VMA12: variants seen among roughly 807,000 people sequenced by gnomAD.
VMA12 encodes vacuolar ATPase assembly protein VMA12.
chr17:28,357,892 G>A, the VMA12 span: 1 of 1,613,514 alleles, frequency 6.2e-7, no homozygotes, highest in Non-Finnish European at 8.5e-7. Flanking sequence ...GTGAGCCCCA[G>A]TCTCCAGTCC....
chr17:28,363,218 CCAAAG>C, the VMA12 span: 2 of 152,132 alleles, frequency 1.3e-5, no homozygotes, highest in African/African-American at 4.8e-5. Context: ...GGTTTTCTCT[CCAAAG>C]CAGAGCAGCT....
the VMA12 span, chr17:28,362,218 A>G: frequency 1.3e-5 from 2 of 150,032 alleles, no homozygotes; most frequent in Non-Finnish European, 3.0e-5. Flanking sequence ...TTCTGTTTTC[A>G]TAAATTATAT....
At chr17:28,358,979 A>C in the VMA12 span, 1 of 1,612,918 alleles carries the variant, frequency 6.2e-7, no homozygotes, top group Non-Finnish European at 8.5e-7. Context: ...GAGGTTGTGA[A>C]GCCTCCACGG....
chr17:28,361,472 G>T, the VMA12 span: 1 of 543,542 alleles, frequency 1.8e-6, no homozygotes, highest in African/African-American at 1.9e-5. Context: ...AAAACAGAAA[G>T]AACTGGTCTT....
chr17:28,363,005 G>A, the VMA12 span: 1 of 152,184 alleles, frequency 6.6e-6, no homozygotes, highest in African/African-American at 2.4e-5. Flanking sequence ...AGTTTCTTAG[G>A]GCCTGTCTGG....
At chr17:28,358,548 A>G in the VMA12 span, 7 of 480,152 alleles carry the variant, frequency 1.5e-5, 1 homozygote, top group South Asian at 1.1e-4. Flanking sequence ...AAAGGACCTT[A>G]GAAAGAGATT....
At chr17:28,357,909 C>G in the VMA12 span, 2 of 1,611,668 alleles carry the variant, frequency 1.2e-6, no homozygotes, top group Non-Finnish European at 1.7e-6. Flanking sequence ...GTCCGGGGTC[C>G]CCTCCTTGTG....
chr17:28,358,023 C>T, the VMA12 span: 58 of 854,908 alleles, frequency 6.8e-5, no homozygotes, highest in South Asian at 9.9e-4. Flanking sequence ...CAGGGCCACC[C>T]ACTTTCTTAA....
chr17:28,359,479 G>A, the VMA12 span: 2 of 1,433,588 alleles, frequency 1.4e-6, no homozygotes, highest in South Asian at 2.3e-5. Flanking sequence ...AAGATACAGA[G>A]TTTAGAAAAA....
the VMA12 span, chr17:28,360,359 C>A: frequency 3.2e-6 from 2 of 617,880 alleles, no homozygotes; most frequent in East Asian, 2.9e-5. Flanking sequence ...GTCCTCTCTC[C>A]GAAATGCCTG....
chr17:28,358,965 C>T, the VMA12 span: 1 of 1,612,732 alleles, frequency 6.2e-7, no homozygotes, highest in Non-Finnish European at 8.5e-7. Flanking sequence ...AAATCTATCT[C>T]CCAGAGGTTG....
chr17:28,357,982 C>G, the VMA12 span: 1 of 1,269,858 alleles, frequency 7.9e-7, no homozygotes, highest in Non-Finnish European at 1.1e-6. Flanking sequence ...GAGCACTCAT[C>G]TAGACAAGTC....
chr17:28,359,822 T>C, the VMA12 span, among the ~76,000 whole-genome samples: 1 of 151,836 alleles, frequency 6.6e-6, no homozygotes, highest in African/African-American at 2.4e-5. Flanking sequence ...GGAGAATCAC[T>C]TGAACCCAGG....
chr17:28,361,511 G>A, the VMA12 span: 1 of 450,430 alleles, frequency 2.2e-6, no homozygotes, highest in East Asian at 4.2e-5. Flanking sequence ...CCTGAATCTG[G>A]TACCCATCTG....
the VMA12 span, chr17:28,360,898 G>T: frequency 1.3e-6 from 2 of 1,488,752 alleles, no homozygotes. Flanking sequence ...GTGTTAGTGG[G>T]TAAGGGAGGA....
chr17:28,359,060 T>C, the VMA12 span: 6 of 1,387,742 alleles, frequency 4.3e-6, no homozygotes, highest in Non-Finnish European at 6.0e-6. Flanking sequence ...ACTGAACTTA[T>C]AAATCAACTT....
the VMA12 span, chr17:28,360,477 A>C: frequency 6.4e-7 from 1 of 1,556,278 alleles, no homozygotes. Context: ...CTGTCAATGG[A>C]TGCTCTCTGA....
At chr17:28,363,596 A>C in the VMA12 span, 132 of 152,358 alleles carry the variant, frequency 8.7e-4, no homozygotes, top group African/African-American at 3.0e-3. Context: ...ACCTGCCTCC[A>C]TCCCAGATCT....
chr17:28,362,674 T>A, the VMA12 span: 1 of 152,210 alleles, frequency 6.6e-6, no homozygotes, highest in South Asian at 2.1e-4. Context: ...AGCGCACGCC[T>A]GTAGTCCCAG....
Sources: allele counts gnomAD v4.1 joint callset (sites outside exome capture counted in the v4.1 genomes callset), GRCh38; gene constraint gnomAD v4.1.1; transcripts MANE v1.5; gene names NCBI Gene and HGNC (gene_info 2026-07-23, HGNC 2026-07-21).